Variants in IQSEC3 observed in about 807,000 individuals in gnomAD.
IQSEC3 encodes the protein IQ motif and SEC7 domain-containing protein 3.
A neutral mutation model predicts 105.4 loss-of-function variants in IQSEC3; 50 were observed. The observed-to-expected ratio is 0.47, with a 90% CI of 0.38 to 0.60. The LOEUF is 0.60. IQSEC3 is among the 20% of genes least tolerant of loss of function. The pLI, the probability that IQSEC3 is intolerant of heterozygous loss-of-function variation, is 0.00. For synonymous variants in IQSEC3, 708 were observed against 746.0 expected (o/e 0.95, Z 0.83); for missense variants, 1,415 against 1,630.0 (o/e 0.87, Z 2.27).
At chr12:70,171 G>A (rs1863258011) in intron 1 of IQSEC3, among the ~76,000 whole-genome samples, 1 of 152,270 alleles carries the variant, frequency 6.6e-6, no homozygotes, top group Non-Finnish European at 1.5e-5. Flanking sequence ...CAGAGGCCAG[G>A]CACTCTGGTA....
chr12:153,551 C>T (rs896193493), intron 5 of IQSEC3, among the ~76,000 whole-genome samples: 8 of 152,210 alleles, frequency 5.3e-5, no homozygotes, highest in African/African-American at 1.9e-4. Flanking sequence ...AGGGATTTCA[C>T]AGCCAGAAAA....
rs1009151512 is a variant in IQSEC3 at position 176,714 on chromosome 12, C to T, written c.*1681C>T. On this transcript the variant is annotated 3_prime_UTR_variant, in exon 14 of 14. Coordinates refer to ENST00000538872, the MANE Select transcript of IQSEC3 (RefSeq NM_001170738.2). This position sits in a 1 kb window ranked among gnomAD's most constrained non-coding sequence, Gnocchi z 4.0. ...GTCTTCGTCGGCCCAGTTTCTGTAACTTGCAGCCAATTTGCCCTCTCCCCT... is the reference window on the plus strand; with the variant it reads ...GTCTTCGTCGGCCCAGTTTCTGTAATTTGCAGCCAATTTGCCCTCTCCCCT... The T allele has an allele frequency of 6.6e-6, 1 of 152,348 alleles. No individual in the cohort carries two copies. The highest frequency in any genetic ancestry group is 2.4e-5 in the African/African-American group (1 of 41,444). 9.4% of individuals were successfully genotyped at this position (152,348 alleles called of 1,614,324 possible).
intron 11 of IQSEC3, 66 bp downstream of exon 11, chr12:165,956 G>T: frequency 6.4e-7 from 1 of 1,563,892 alleles, no homozygotes. Flanking sequence ...GGGGCAGCTT[G>T]AGACAGACAT....
At chr12:166,771 T>A (rs1368930433) in intron 11 of IQSEC3, 8 of 152,210 alleles carry the variant, frequency 5.3e-5, no homozygotes, top group Non-Finnish European at 7.3e-5. Flanking sequence ...GGGATGAATG[T>A]GACAGGCTGG....
chr12:69,738 C>T (rs1178050891), intron 1 of IQSEC3, among the ~76,000 whole-genome samples: 1 of 152,384 alleles, frequency 6.6e-6, no homozygotes, highest in Non-Finnish European at 1.5e-5. Flanking sequence ...ATTTCTTTCC[C>T]CACAGTGGCC....
chr12:86,593 C>A (rs1400708271), intron 1 of IQSEC3, among the ~76,000 whole-genome samples: 2 of 152,080 alleles, frequency 1.3e-5, no homozygotes, highest in Non-Finnish European at 2.9e-5. Context: ...CTCAGTCAGG[C>A]AAAGATATTA....
intron 1 of IQSEC3, among the ~76,000 whole-genome samples, chr12:87,885 A>G (rs1863966534): frequency 6.6e-6 from 1 of 152,080 alleles, no homozygotes; most frequent in South Asian, 2.1e-4. Flanking sequence ...AAGTGTTTTA[A>G]CTCATTTCAT....
chr12:102,607 C>G (rs1337832785), intron 2 of IQSEC3, among the ~76,000 whole-genome samples: 1 of 152,196 alleles, frequency 6.6e-6, no homozygotes, highest in African/African-American at 2.4e-5. Flanking sequence ...TCACCCCTCC[C>G]GAAGAGGCAG....
chr12:138,944 C>A lies in IQSEC3; in HGVS notation c.1581C>A (p.Ala527=), dbSNP rs782692787. The A allele has an allele frequency of 1.6e-5, 26 of 1,578,012 alleles. No individual in the cohort carries two copies. Among genetic ancestry groups the A allele is most frequent in the Non-Finnish European group, 2.2e-5 (26 of 1,163,400 alleles). ...CCGCAGAGCCCGCGGCGGGCAAGGCCGAGCAGGGCGAGACCTCTGGGCGGG... is the reference window on the plus strand; with the variant it reads ...CCGCAGAGCCCGCGGCGGGCAAGGCAGAGCAGGGCGAGACCTCTGGGCGGG... ...QAPAEPAAGK[A]EQGETSGREA... is the part of the protein sequence containing the mutation. Residue 527 remains alanine (A), a synonymous_variant, in exon 4 of 14, where the codon GCC becomes GCA. Coordinates refer to ENST00000538872, the MANE Select transcript of IQSEC3 (RefSeq NM_001170738.2). The surrounding 1 kb of genome is among the most constrained non-coding windows in gnomAD (Gnocchi z 7.1).
Position 173,014 on chromosome 12 carries a change from G to A in IQSEC3, c.3115-1585G>A, listed in dbSNP as rs373490827. On this transcript the variant is annotated intron_variant, in intron 13 of 13. Coordinates refer to ENST00000538872, the MANE Select transcript of IQSEC3 (RefSeq NM_001170738.2). ...CATTCGCCTGGGGAGAGGCCGCTGC[G>A]AAGTCCAGGCGGAGGGAGGCAGATG... is the stretch of plus-strand genomic sequence containing the variant. Among the ~76,000 whole-genome samples the A allele has an allele frequency of 1.2e-4, 18 of 152,304 alleles. No homozygotes were observed. In the East Asian group the frequency reaches 1.5e-3, roughly 13 times the overall value.
chr12:113,230 G>A (rs1312092300), intron 2 of IQSEC3, among the ~76,000 whole-genome samples: 2 of 152,352 alleles, frequency 1.3e-5, no homozygotes, highest in East Asian at 1.9e-4. Context: ...TGCATTTTCC[G>A]AGTTACAGAA....
intron 2 of IQSEC3, among the ~76,000 whole-genome samples, chr12:101,605 T>C (rs1864424642): frequency 6.6e-6 from 1 of 152,090 alleles, no homozygotes; most frequent in African/African-American, 2.4e-5. Flanking sequence ...ACTTGCCCCC[T>C]GAGATGGTCC....
chr12:70,484 C>G (rs1863270859), intron 1 of IQSEC3, among the ~76,000 whole-genome samples: 1 of 152,256 alleles, frequency 6.6e-6, no homozygotes, highest in Non-Finnish European at 1.5e-5. Context: ...CTTCTTGATT[C>G]TTGCTAAGCT....
At chr12:107,903 A>G (rs1382835400) in intron 2 of IQSEC3, among the ~76,000 whole-genome samples, 1 of 152,008 alleles carries the variant, frequency 6.6e-6, no homozygotes, top group Non-Finnish European at 1.5e-5. Context: ...TTTGCTTATC[A>G]TTTCGGTCCC....
intron 1 of IQSEC3, among the ~76,000 whole-genome samples, chr12:97,816 T>C (rs1453385840): frequency 6.6e-6 from 1 of 152,098 alleles, no homozygotes; most frequent in Non-Finnish European, 1.5e-5. Context: ...CAAACAAAAG[T>C]TAAGATACGC....
chr12:115,814 C>A (rs1260178186), intron 2 of IQSEC3, among the ~76,000 whole-genome samples: 1 of 152,108 alleles, frequency 6.6e-6, no homozygotes, highest in Non-Finnish European at 1.5e-5. Context: ...TGCCTTCCAG[C>A]CCTTGTTACC....
chr12:168,902 T>C (rs1054076353), intron 11 of IQSEC3, 111 bp from the exon 12 acceptor site: 8 of 889,358 alleles, frequency 9.0e-6, no homozygotes, highest in Non-Finnish European at 1.3e-5. Context: ...CAGCATGTAC[T>C]GGGACCTCTC....
Position 138,310 on chromosome 12 carries a change from G to C in IQSEC3, c.947G>C (p.Arg316Pro). ...AAGTACGGCGGTCACCTGGTGTCCC[G>C]GCGCGCCGCTTGCACCATCCAAACC... ...EHKYGGHLVS[R>P]RAACTIQTAF... Residue 316 changes from arginine (R) to proline (P), a missense_variant, in exon 4 of 14, where the codon CGG (arginine) becomes CCG (proline). Arg to Pro is a moderately radical substitution (Grantham distance 103). Coordinates refer to ENST00000538872, the MANE Select transcript of IQSEC3 (RefSeq NM_001170738.2). This position sits in a 1 kb window ranked among gnomAD's most constrained non-coding sequence, Gnocchi z 7.1. 6.2e-7 allele frequency: 1 copy of C among 1,613,784 alleles called. No homozygotes were observed. The highest frequency in any genetic ancestry group is 8.5e-7 in the Non-Finnish European group (1 of 1,179,934).
At chr12:69,202 A>T (rs1240750948) in intron 1 of IQSEC3, among the ~76,000 whole-genome samples, 33 of 152,246 alleles carry the variant, frequency 2.2e-4, no homozygotes, top group African/African-American at 7.7e-4. Flanking sequence ...CTCCCACTGC[A>T]ACTCCACTTT....
Sources: gnomAD v4.1 joint callset for allele counts (sites outside exome capture counted in the v4.1 genomes callset) on GRCh38, gnomAD v4.1.1 for gene constraint, Gnocchi (gnomAD v3.1) non-coding constraint, MANE v1.5 for transcripts, NCBI Gene and HGNC (gene_info 2026-07-23, HGNC 2026-07-21) for gene names.